The following NOL4L variants were observed in gnomAD, a reference collection of about 807,000 sequenced individuals.
NOL4L encodes nucleolar protein 4-like.
Under a neutral mutation model 64.5 loss-of-function variants are expected in NOL4L, and 7 were observed. The observed-to-expected ratio is 0.11, with a 90% confidence interval of 0.06 to 0.20. The LOEUF is 0.20. Among genes scored for constraint, NOL4L ranks in the 10% least tolerant of loss-of-function variants. The pLI is 1.00. For synonymous variants in NOL4L, 413 were observed against 401.0 expected, an observed-to-expected ratio of 1.03 and a Z score of -0.36; for missense variants, 680 against 967.1, an observed-to-expected ratio of 0.70 and a Z score of 3.94.
At chr20:32,575,989 C>A (rs1344655744) in intron 1 of NOL4L, among the ~76,000 whole-genome samples, 1 of 152,150 alleles carries the variant, frequency 6.6e-6, no homozygotes, top group Non-Finnish European at 1.5e-5. Flanking sequence ...CTGTATTTGG[C>A]GTGTTTGGAG....
At position 32,556,290 on chromosome 20, in the gene NOL4L, C is replaced by T. The variant is rs1978654377; in HGVS notation, c.321+28280G>A. ...TTTCCTTTGTGGGGGGGGGGGGTTT[C>T]CCTGGAGCCCCTCAGCTCTGTCAGG... On this transcript the variant is annotated intron_variant, in intron 1 of 10. Coordinates refer to ENST00000621426, the MANE Select transcript of NOL4L (RefSeq NM_001256798.2). Among the ~76,000 whole-genome samples, 2 of 151,618 alleles carry T rather than the reference C, an allele frequency of 1.3e-5. 1 individual carries two copies. The highest frequency in any genetic ancestry group is 4.2e-4 in the South Asian group (2 of 4,800).
At chr20:32,538,596 G>A (rs1403755601) in intron 1 of NOL4L, among the ~76,000 whole-genome samples, 4 of 152,174 alleles carry the variant, frequency 2.6e-5, no homozygotes, top group Admixed American at 6.5e-5. Flanking sequence ...GAGGGGTGGG[G>A]GGAGACTGCA....
At chr20:32,448,306 A>C (rs1387836630) in intron 10 of NOL4L, among the ~76,000 whole-genome samples, 3 of 152,174 alleles carry the variant, frequency 2.0e-5, no homozygotes. Context: ...AACACACCTG[A>C]GAGATGCGTG....
At chr20:32,541,959 A>G (rs1298274047) in intron 1 of NOL4L, among the ~76,000 whole-genome samples, 1 of 152,214 alleles carries the variant, frequency 6.6e-6, no homozygotes, top group Non-Finnish European at 1.5e-5. Context: ...GAGGACTTGT[A>G]CAGTGCCCAG....
chr20:32,454,306 T>C (rs2013249496), intron 6 of NOL4L, among the ~76,000 whole-genome samples: 1 of 152,152 alleles, frequency 6.6e-6, no homozygotes, highest in Admixed American at 6.5e-5. Flanking sequence ...GGGCGACAGG[T>C]CCGTTCAGCA....
intron 5 of NOL4L, among the ~76,000 whole-genome samples, chr20:32,462,297 G>A (rs2014143713): frequency 6.6e-6 from 1 of 152,218 alleles, no homozygotes; most frequent in South Asian, 2.1e-4. Flanking sequence ...CCAATGGCTT[G>A]GTCTCTGAGT....
intron 1 of NOL4L, chr20:32,564,958 G>A (rs1022025299): frequency 1.3e-5 from 2 of 152,366 alleles, no homozygotes; most frequent in African/African-American, 4.8e-5. Context: ...AGGGAGGAGG[G>A]GGCCCGCCTG....
chr20:32,485,662 C>T lies in NOL4L; in HGVS notation c.700-10920G>A, dbSNP rs372749480. The T allele has an allele frequency of 5.5e-5, 25 of 450,480 alleles. No homozygotes were observed. The East Asian group carries it at 1.3e-3, about 23-fold the overall frequency. The allele number at this position is 450,480 out of a possible 1,614,324, so 27.9% of individuals were successfully genotyped here. On this transcript the variant is annotated intron_variant, in intron 4 of 10. Transcript: ENST00000621426. ...AGGTGGGAGGCTTTATTTATCCACACATGCTGGTGCCCAATAATGATTTTT... is the reference window on the plus strand; with the variant it reads ...AGGTGGGAGGCTTTATTTATCCACATATGCTGGTGCCCAATAATGATTTTT...
intron 5 of NOL4L, among the ~76,000 whole-genome samples, chr20:32,458,407 C>G (rs1285169119): frequency 6.6e-6 from 1 of 152,244 alleles, no homozygotes; most frequent in Non-Finnish European, 1.5e-5. Flanking sequence ...GCCTCCAACC[C>G]CAGCTTGCTG....
intron 4 of NOL4L, among the ~76,000 whole-genome samples, chr20:32,487,327 C>T (rs1406004072): frequency 6.7e-6 from 1 of 149,592 alleles, no homozygotes; most frequent in African/African-American, 2.5e-5. Context: ...CTTCTTAGAT[C>T]CTGTAGAGAT....
At chr20:32,540,440 G>A (rs1452867795) in intron 1 of NOL4L, among the ~76,000 whole-genome samples, 2 of 152,094 alleles carry the variant, frequency 1.3e-5, no homozygotes, top group African/African-American at 2.4e-5. Flanking sequence ...ACAATTACAC[G>A]CAGGCCCACA....
At chr20:32,582,440 A>G (rs1358496508) in intron 1 of NOL4L, among the ~76,000 whole-genome samples, 1 of 152,154 alleles carries the variant, frequency 6.6e-6, no homozygotes, top group East Asian at 1.9e-4. Flanking sequence ...CCCAGCACCC[A>G]GTTTCTGCAT....
At chr20:32,457,779 C>T (rs2013693459) in intron 5 of NOL4L, among the ~76,000 whole-genome samples, 1 of 152,230 alleles carries the variant, frequency 6.6e-6, no homozygotes, top group Non-Finnish European at 1.5e-5. Flanking sequence ...CAGCTCCGGG[C>T]TCTGCTCAAA....
chr20:32,504,617 T>C (rs984584655), intron 4 of NOL4L, among the ~76,000 whole-genome samples: 1 of 151,718 alleles, frequency 6.6e-6, no homozygotes, highest in Non-Finnish European at 1.5e-5. Flanking sequence ...CAGCTGCTTT[T>C]TTTTTTTTGA....
In NOL4L at chr20:32,584,951, A is replaced by ACTGGG. The variant is rs1437394499; in HGVS notation, c.-66_-62dup. ...GGCCGCCGGGCCGCCCGGTGCCGGGACTGGGCTGGGCTGGGCTGGACCGGG... is the reference window on the plus strand; with the variant it reads ...GGCCGCCGGGCCGCCCGGTGCCGGGACTGGGCTGGGCTGGGCTGGGCTGGACCGGG... On this transcript the variant is annotated 5_prime_UTR_variant, in exon 1 of 11. Coordinates refer to ENST00000621426, the MANE Select transcript of NOL4L (RefSeq NM_001256798.2). 111 of 986,678 alleles carry ACTGGG rather than the reference A, an allele frequency of 1.1e-4. 1 individual carries two copies. The highest frequency in any genetic ancestry group is 9.5e-5 in the Non-Finnish European group (77 of 814,754). The allele number at this position is 986,678 out of a possible 1,614,324, so 61.1% of individuals were successfully genotyped here. A position where few individuals can be genotyped will look rare whatever the true frequency, so the allele number is the denominator to read the frequency against.
intron 1 of NOL4L, among the ~76,000 whole-genome samples, chr20:32,572,085 G>A (rs1241296690): frequency 1.3e-5 from 2 of 152,318 alleles, no homozygotes; most frequent in Non-Finnish European, 2.9e-5. Context: ...CACCACAGAG[G>A]ATCCCAGAAT....
At chr20:32,524,958 G>A (rs139658771) in intron 2 of NOL4L, among the ~76,000 whole-genome samples, 87 of 152,348 alleles carry the variant, frequency 5.7e-4, no homozygotes, top group African/African-American at 2.0e-3. Flanking sequence ...TCACACCCAC[G>A]GCAGGAGGGC....
At chr20:32,500,533 T>TTTTTTTTTTTTTTTTTTA (rs1568661332) in intron 4 of NOL4L, among the ~76,000 whole-genome samples, 1 of 119,048 alleles carries the variant, frequency 8.4e-6, no homozygotes, top group Non-Finnish European at 1.6e-5. Context: ...TTTTTGTATT[T>TTTTTTTTTTTTTTTTTTA]CTTTCTTTTT....
At chr20:32,572,185 C>T (rs1435142567) in intron 1 of NOL4L, among the ~76,000 whole-genome samples, 2 of 152,210 alleles carry the variant, frequency 1.3e-5, no homozygotes, top group African/African-American at 4.8e-5. Flanking sequence ...CTGCCTCTTC[C>T]CAGCTTTGTG....
Sources: allele counts gnomAD v4.1 joint callset (sites outside exome capture counted in the v4.1 genomes callset), GRCh38; gene constraint gnomAD v4.1.1; transcripts MANE v1.5; gene names NCBI Gene and HGNC (gene_info 2026-07-23, HGNC 2026-07-21).